Variants in CEP70 observed in about 807,000 individuals in gnomAD.
CEP70 encodes centrosomal protein 70.
A neutral mutation model predicts 90.9 loss-of-function variants in CEP70; 70 were observed. The ratio of observed to expected loss-of-function variants is 0.77; its 90% CI spans 0.64 to 0.94. CEP70 has a LOEUF of 0.94. Ranked by LOEUF, CEP70 falls within the 40% of genes least tolerant of loss-of-function variation. The probability of loss-of-function intolerance (pLI) is 0.00; values close to 1 mark genes in which losing one functional copy is unlikely to be tolerated. For missense variants in CEP70, 648 were observed against 669.0 expected, an observed-to-expected ratio of 0.97 and a Z score of 0.35; for synonymous variants, 220 against 228.3, an observed-to-expected ratio of 0.96 and a Z score of 0.33.
intron 13 of CEP70, among the ~76,000 whole-genome samples, chr3:138,503,282 T>A (rs1480546586): frequency 6.6e-6 from 1 of 152,208 alleles, no homozygotes; most frequent in African/African-American, 2.4e-5. Flanking sequence ...GGAATCTTCT[T>A]GTGACTGACT....
chr3:138,508,929 T>A (rs2035257641), intron 11 of CEP70, among the ~76,000 whole-genome samples: 1 of 151,978 alleles, frequency 6.6e-6, no homozygotes. Context: ...GAGACGGGGT[T>A]TCACCGTGTT....
At chr3:138,573,772 T>C (rs2041337423) in intron 2 of CEP70, among the ~76,000 whole-genome samples, 1 of 152,082 alleles carries the variant, frequency 6.6e-6, no homozygotes, top group Non-Finnish European at 1.5e-5. Context: ...GTAAATGGAG[T>C]AACAGTGTTC....
chr3:138,505,514 C>T, intron 12 of CEP70, 49 bp from the exon 13 acceptor site: 1 of 1,282,120 alleles, frequency 7.8e-7, no homozygotes, highest in South Asian at 1.8e-5. Context: ...CCTATGCCTA[C>T]AAAGTTATAT....
chr3:138,534,865 C>T (rs1244743667), intron 7 of CEP70, among the ~76,000 whole-genome samples: 2 of 152,208 alleles, frequency 1.3e-5, no homozygotes, highest in East Asian at 3.8e-4. Context: ...CTCCTCCACT[C>T]CTTTCAACAT....
intron 2 of CEP70, among the ~76,000 whole-genome samples, chr3:138,576,501 T>C (rs113480836): frequency 5.3e-5 from 8 of 152,080 alleles, no homozygotes; most frequent in African/African-American, 1.7e-4. Flanking sequence ...ACAATAATAA[T>C]AGGAGACTTT....
rs1386209738 is a variant in CEP70 at position 138,500,524 on chromosome 3, G to C, written c.1412C>G (p.Ser471Cys). The change falls in exon 15 of 18, where the codon TCT (serine) becomes TGT (cysteine). Residue 471 changes from serine (S) to cysteine (C), a missense_variant. Physicochemically the swap from Ser to Cys is moderately radical, Grantham distance 112. Transcript: ENST00000264982. ...CACATCAAATAACTTTTGGAAGTGA[G>C]AAACAATAGCTTGCAAAGTTTGAAA... ...PHFQTLQAIV[S>C]HFQKLFDVPS... 1.9e-6 allele frequency: 3 copies of C among 1,610,740 alleles called. No homozygotes were observed. Among genetic ancestry groups the C allele is most frequent in the Non-Finnish European group, 2.5e-6 (3 of 1,179,236 alleles).
chr3:138,509,922 G>A (rs916112130), intron 11 of CEP70, among the ~76,000 whole-genome samples: 54 of 152,032 alleles, frequency 3.6e-4, no homozygotes, highest in African/African-American at 1.2e-3. Context: ...CTTAATAATG[G>A]ACCCAAAATG....
intron 13 of CEP70, among the ~76,000 whole-genome samples, chr3:138,501,253 T>C (rs1335039250): frequency 6.6e-6 from 1 of 152,178 alleles, no homozygotes; most frequent in Admixed American, 6.5e-5. Flanking sequence ...CCTTGAATTT[T>C]GGTTTTGAAT....
At chr3:138,540,450 C>G (rs1022218082) in intron 6 of CEP70, among the ~76,000 whole-genome samples, 1 of 150,202 alleles carries the variant, frequency 6.7e-6, no homozygotes, top group Non-Finnish European at 1.5e-5. Context: ...CACCACTGCA[C>G]TCCAGCCTGG....
intron 6 of CEP70, among the ~76,000 whole-genome samples, chr3:138,538,733 C>CT (rs1016959114): frequency 6.0e-5 from 9 of 151,250 alleles, no homozygotes; most frequent in African/African-American, 7.3e-5. Flanking sequence ...TATTCTTTTT[C>CT]TTTTTTTTTA....
chr3:138,506,122 T>G (rs1179923980), intron 12 of CEP70, among the ~76,000 whole-genome samples: 2 of 152,198 alleles, frequency 1.3e-5, no homozygotes, highest in East Asian at 3.9e-4. Flanking sequence ...AAAGCATGCA[T>G]CTTTTAAAAG....
In CEP70 at chr3:138,500,802, C is replaced by A. The variant is rs1214926479; in HGVS notation, c.1301G>T (p.Gly434Val). 18 of 1,604,658 alleles carry A rather than the reference C, an allele frequency of 1.1e-5. No homozygotes were observed. Among genetic ancestry groups the A allele is most frequent in the Admixed American group, 8.5e-5 (5 of 59,152 alleles). The change falls in exon 14 of 18, where the codon GGT becomes GTT. Residue 434 changes from glycine to valine, a missense_variant. Gly to Val is a moderately radical substitution (Grantham distance 109). Transcript: ENST00000264982. The stretch of plus-strand genomic sequence containing the variant: ...AAACAACAAATCTTCAACTTTGATA[C>A]CTTCATTTTCATCCTGCTTCTTCAA... ...LNLKKQDENE[G>V]IKVEDLLFIV...
intron 4 of CEP70, 22 bp from the exon 5 acceptor site, chr3:138,571,179 TAC>T: frequency 6.4e-7 from 1 of 1,556,832 alleles, no homozygotes; most frequent in Non-Finnish European, 8.7e-7. Context: ...AAGTATATAA[TAC>T]AGATAGTAAA....
intron 7 of CEP70, among the ~76,000 whole-genome samples, chr3:138,534,708 G>A (rs1430657631): frequency 6.6e-6 from 1 of 152,138 alleles, no homozygotes; most frequent in Non-Finnish European, 1.5e-5. Context: ...TATGGACTTT[G>A]GAAGTTCTCT....
At position 138,521,077 on chromosome 3, in the gene CEP70, C is replaced by T. The variant is rs919632515; in HGVS notation, c.944+4413G>A. ...TGCCTGCCTCGGCCTCCCGAGGTGC[C>T]GGGATTGCAGACAGAGTCTTGCTCA... On this transcript the variant is annotated intron_variant, in intron 11 of 17. Transcript: ENST00000264982. Among the ~76,000 whole-genome samples the T allele has an allele frequency of 3.3e-5, 5 of 152,260 alleles. No individual in the cohort carries two copies. In the East Asian group the frequency reaches 5.8e-4, roughly 18 times the overall value.
chr3:138,543,798 T>C (rs922334942), intron 6 of CEP70, among the ~76,000 whole-genome samples: 2 of 152,042 alleles, frequency 1.3e-5, no homozygotes, highest in Non-Finnish European at 2.9e-5. Context: ...AGTGAGACCC[T>C]ATCTCAAAAA....
At chr3:138,519,339 A>G (rs1252584520) in intron 11 of CEP70, among the ~76,000 whole-genome samples, 1 of 152,182 alleles carries the variant, frequency 6.6e-6, no homozygotes, top group East Asian at 1.9e-4. Flanking sequence ...GAATGCCACA[A>G]AGATACTCCT....
intron 6 of CEP70, among the ~76,000 whole-genome samples, chr3:138,539,678 A>G (rs569873683): frequency 6.6e-6 from 1 of 152,316 alleles, no homozygotes; most frequent in East Asian, 1.9e-4. Context: ...AATTACCTCA[A>G]AAGAGCAAAT....
intron 6 of CEP70, among the ~76,000 whole-genome samples, chr3:138,556,852 A>G (rs1445889682): frequency 2.0e-5 from 3 of 152,238 alleles, no homozygotes; most frequent in African/African-American, 7.2e-5. Flanking sequence ...GCGAGATCAC[A>G]GGACCACAGA....
Sources: allele counts gnomAD v4.1 joint callset (sites outside exome capture counted in the v4.1 genomes callset), GRCh38; gene constraint gnomAD v4.1.1; transcripts MANE v1.5; gene names NCBI Gene and HGNC (gene_info 2026-07-23, HGNC 2026-07-21).